Variants in CPQ observed in about 807,000 individuals in gnomAD.
CPQ encodes the protein carboxypeptidase Q.
Under a neutral mutation model 45.7 loss-of-function variants are expected in CPQ, and 37 were observed. That is an observed-to-expected ratio of 0.81 (90% confidence interval 0.62 to 1.07). CPQ has a LOEUF of 1.07. CPQ is among the 50% of genes least tolerant of loss of function. CPQ has a pLI of 0.00. For missense variants in CPQ, 537 were observed against 572.9 expected (o/e 0.94, Z 0.64); for synonymous variants, 186 against 205.8 (o/e 0.90, Z 0.82).
intron 7 of CPQ, among the ~76,000 whole-genome samples, chr8:97,126,165 A>G (rs960444412): frequency 2.6e-5 from 4 of 152,198 alleles, no homozygotes; most frequent in Non-Finnish European, 5.9e-5. Flanking sequence ...ATCAATAAGA[A>G]GGGTGCGATG....
At chr8:97,021,237 C>T (rs968190720) in intron 5 of CPQ, among the ~76,000 whole-genome samples, 2 of 152,142 alleles carry the variant, frequency 1.3e-5, no homozygotes, top group African/African-American at 4.8e-5. Flanking sequence ...GTAATGAAAG[C>T]CATCTATGAC....
intron 1 of CPQ, among the ~76,000 whole-genome samples, chr8:96,711,401 T>G (rs1384614348): frequency 2.6e-5 from 4 of 152,170 alleles, no homozygotes; most frequent in Non-Finnish European, 5.9e-5. Flanking sequence ...TTCTCCACTG[T>G]GCGGTTGTTT....
At chr8:97,099,913 A>T (rs143897637) in intron 7 of CPQ, among the ~76,000 whole-genome samples, 1 of 152,222 alleles carries the variant, frequency 6.6e-6, no homozygotes, top group African/African-American at 2.4e-5. Flanking sequence ...AAATAGAGTG[A>T]GCGGCTATCT....
At chr8:97,125,785 T>G (rs1426686016) in intron 7 of CPQ, among the ~76,000 whole-genome samples, 1 of 152,206 alleles carries the variant, frequency 6.6e-6, no homozygotes, top group Non-Finnish European at 1.5e-5. Context: ...GAGTGAATGC[T>G]TTCCTACTAC....
At chr8:96,656,494 G>T (rs1815639129) in intron 1 of CPQ, among the ~76,000 whole-genome samples, 1 of 152,130 alleles carries the variant, frequency 6.6e-6, no homozygotes, top group East Asian at 1.9e-4. Context: ...TGCTCAGGAT[G>T]GATGGGGTCT....
intron 4 of CPQ, among the ~76,000 whole-genome samples, chr8:96,912,967 G>A (rs1258266123): frequency 6.6e-6 from 1 of 152,134 alleles, no homozygotes; most frequent in Non-Finnish European, 1.5e-5. Context: ...TTCTCACTCT[G>A]TAGAGGCCAG....
intron 1 of CPQ, among the ~76,000 whole-genome samples, chr8:96,693,104 T>G (rs1024885123): frequency 4.0e-5 from 6 of 151,784 alleles, no homozygotes; most frequent in Non-Finnish European, 1.5e-5. Flanking sequence ...AAGAAAGAAT[T>G]AGTGAGCTTG....
chr8:97,053,038 G>A (rs1810388194), intron 6 of CPQ, among the ~76,000 whole-genome samples: 1 of 152,070 alleles, frequency 6.6e-6, no homozygotes, highest in African/African-American at 2.4e-5. Flanking sequence ...ACCAACATGA[G>A]TAACCACATC....
chr8:96,860,751 C>G (rs1563515088), intron 3 of CPQ, among the ~76,000 whole-genome samples: 2 of 152,128 alleles, frequency 1.3e-5, no homozygotes. Context: ...CAGGATAAGT[C>G]TTAGCCTCTG....
chr8:97,029,275 C>T, intron 5 of CPQ, 128 bp from the exon 6 acceptor site: 1 of 853,848 alleles, frequency 1.2e-6, no homozygotes, highest in South Asian at 1.7e-5. Context: ...AGGAGACAAC[C>T]ACACCAGTGA....
At chr8:96,999,911 CT>C (rs1809244309) in intron 5 of CPQ, among the ~76,000 whole-genome samples, 3 of 151,594 alleles carry the variant, frequency 2.0e-5, no homozygotes, top group Admixed American at 6.6e-5. Context: ...TTATTTTTGA[CT>C]TTTTAATAAC....
intron 7 of CPQ, among the ~76,000 whole-genome samples, chr8:97,101,484 C>G (rs1183448317): frequency 6.6e-6 from 1 of 151,144 alleles, no homozygotes; most frequent in African/African-American, 2.4e-5. Context: ...CTCTCTCTCT[C>G]TGTTTCTCTC....
At chr8:96,698,876 T>C (rs781385264) in intron 1 of CPQ, among the ~76,000 whole-genome samples, 7 of 152,168 alleles carry the variant, frequency 4.6e-5, no homozygotes, top group Non-Finnish European at 1.0e-4. Flanking sequence ...TTGTACACTA[T>C]TGGTGGGAAT....
At chr8:96,949,932 AT>A (rs750622169) in intron 4 of CPQ, among the ~76,000 whole-genome samples, 7 of 152,108 alleles carry the variant, frequency 4.6e-5, no homozygotes, top group Non-Finnish European at 1.0e-4. Context: ...AACTATAAAC[AT>A]TTTTATGTTT....
intron 1 of CPQ, among the ~76,000 whole-genome samples, chr8:96,717,590 T>C (rs1809699573): frequency 6.6e-6 from 1 of 152,116 alleles, no homozygotes; most frequent in Admixed American, 6.5e-5. Flanking sequence ...TTTTTTTTTC[T>C]AGTTTTGTGA....
At chr8:97,048,357 G>T (rs966684714) in intron 6 of CPQ, among the ~76,000 whole-genome samples, 1 of 152,192 alleles carries the variant, frequency 6.6e-6, no homozygotes, top group Admixed American at 6.5e-5. Flanking sequence ...TTGCATGAAA[G>T]CACTAAGGAA....
chr8:97,032,297 C>A (rs769109843), intron 6 of CPQ, among the ~76,000 whole-genome samples: 1 of 152,182 alleles, frequency 6.6e-6, no homozygotes, highest in African/African-American at 2.4e-5. Context: ...AGCTGACATA[C>A]CCTTTAAAAA....
At chr8:97,096,668 C>T (rs1380038280) in intron 7 of CPQ, among the ~76,000 whole-genome samples, 1 of 152,120 alleles carries the variant, frequency 6.6e-6, no homozygotes, top group African/African-American at 2.4e-5. Context: ...TTGAAGGGTA[C>T]TTGTAAGGAA....
intron 3 of CPQ, among the ~76,000 whole-genome samples, chr8:96,856,326 G>A (rs1811850872): frequency 6.6e-6 from 1 of 152,214 alleles, no homozygotes; most frequent in African/African-American, 2.4e-5. Context: ...ACAGTGGGCA[G>A]TGGGCAAGCT....
Sources: allele counts gnomAD v4.1 joint callset (sites outside exome capture counted in the v4.1 genomes callset), GRCh38; gene constraint gnomAD v4.1.1; transcripts MANE v1.5; gene names NCBI Gene and HGNC (gene_info 2026-07-23, HGNC 2026-07-21).